Variants in ITGB2 observed in about 807,000 individuals in gnomAD.
ITGB2 encodes the protein integrin subunit beta 2.
In ITGB2, 56 loss-of-function variants were observed where a neutral mutation model predicts 86.8. The observed-to-expected ratio is 0.65, with a 90% CI of 0.52 to 0.81. The LOEUF is 0.81. ITGB2 is among the 30% of genes least tolerant of loss of function. The probability of loss-of-function intolerance (pLI) is 0.00; values close to 1 mark genes in which losing one functional copy is unlikely to be tolerated. For synonymous variants in ITGB2, 457 were observed against 450.4 expected (o/e 1.01, Z -0.19); for missense variants, 948 against 1,061.2 (o/e 0.89, Z 1.48).
At chr21:44,893,268 G>C in intron 10 of ITGB2, 136 bp downstream of exon 10, 3 of 1,037,130 alleles carry the variant, frequency 2.9e-6, no homozygotes, top group Middle Eastern at 3.1e-4. Flanking sequence ...CCGTCAGAGT[G>C]CTGGGATGGG....
At chr21:44,919,631 A>C (rs1481591958) in intron 1 of ITGB2, among the ~76,000 whole-genome samples, 1 of 152,118 alleles carries the variant, frequency 6.6e-6, no homozygotes, top group Non-Finnish European at 1.5e-5. Context: ...CGTCACGGGG[A>C]AGGCGAGTGA....
At chr21:44,901,430 C>T (rs749050841) in intron 6 of ITGB2, 62 bp downstream of exon 6, 113 of 1,585,670 alleles carry the variant, frequency 7.1e-5, no homozygotes, top group Middle Eastern at 3.7e-4. Context: ...CCCCACACAG[C>T]GCCTGACAGA....
In ITGB2 at chr21:44,886,165, A is replaced by AG. The variant is rs1271429188; in HGVS notation, c.*202dup. On this transcript the variant is annotated 3_prime_UTR_variant, in exon 16 of 16. Coordinates refer to ENST00000652462, the MANE Select transcript of ITGB2 (RefSeq NM_000211.5). ...CCTCCCTCCTCAAGTCTCCATGCAA[A>AG]GACTGTGCCAGTCAGAGTGGAGCTG... is the stretch of plus-strand genomic sequence containing the variant. 1.6e-6 allele frequency: 1 copy of AG among 619,146 alleles called. No homozygotes were observed. Among genetic ancestry groups the AG allele is most frequent in the East Asian group, 2.8e-5 (1 of 35,580 alleles). 38.4% of individuals were successfully genotyped at this position (619,146 alleles called of 1,614,324 possible). A position where few individuals can be genotyped will look rare whatever the true frequency, so the allele number is the denominator to read the frequency against.
At position 44,903,348 on chromosome 21, in the gene ITGB2, C is replaced by T. The variant is rs778553133; in HGVS notation, c.499+17G>A. 9 of 1,613,824 alleles carry T rather than the reference C, an allele frequency of 5.6e-6. No individual in the cohort carries two copies. In the African/African-American group the frequency reaches 9.3e-5, roughly 17 times the overall value. On this transcript the variant is annotated intron_variant, in intron 5 of 15. Transcript: ENST00000652462. ...TGGGAAAGGACTGGGTTTTGTCCTG[C>T]AGTGCCTGGGCCTCACCAATGCGGC...
In ITGB2 at chr21:44,888,896, C is replaced by T. The variant is rs1438750949; in HGVS notation, c.1878-1G>A. On this transcript the variant is annotated splice_acceptor_variant, in intron 13 of 15. Transcript: ENST00000652462. LOFTEE classifies it high-confidence loss of function. ...GAACTTCAGGCACTCGGCGCAGGAG[C>T]TGCGGGGAGCCAGGTGTGAGCATCG... The T allele has an allele frequency of 6.2e-7, 1 of 1,603,198 alleles. No homozygotes were observed. Among genetic ancestry groups the T allele is most frequent in the Non-Finnish European group, 8.5e-7 (1 of 1,179,786 alleles).
chr21:44,914,488 A>G (rs1156246794), intron 1 of ITGB2, among the ~76,000 whole-genome samples: 1 of 152,118 alleles, frequency 6.6e-6, no homozygotes, highest in Non-Finnish European at 1.5e-5. Context: ...GCTAACAAGA[A>G]CCACACTTCA....
intron 3 of ITGB2, 84 bp downstream of exon 3, chr21:44,910,200 C>T (rs2146545888): frequency 1.3e-6 from 2 of 1,540,838 alleles, no homozygotes; most frequent in East Asian, 2.4e-5. Flanking sequence ...GTTGTTGGTC[C>T]TCTGGGTGCC....
chr21:44,894,989 G>A lies in ITGB2; in HGVS notation c.1065C>T (p.Leu355=). The change falls in exon 9 of 16, where the codon CTC becomes CTT. Residue 355 remains leucine, a synonymous_variant. Coordinates refer to ENST00000652462, the MANE Select transcript of ITGB2 (RefSeq NM_000211.5). The part of the protein sequence containing the change: ...LSEDSSNVVH[L]IKNAYNKLSS... ...GACTCACATTGTAAGCATTCTTAAT[G>A]AGATGGACCACATTGCTGGAGTCCT... 1 of 1,610,774 alleles carries A rather than the reference G, an allele frequency of 6.2e-7. No individual in the cohort carries two copies. Among genetic ancestry groups the A allele is most frequent in the Non-Finnish European group, 8.5e-7 (1 of 1,177,046 alleles).
At chr21:44,908,277 C>T (rs2084075091) in intron 3 of ITGB2, 1 of 568,824 alleles carries the variant, frequency 1.8e-6, no homozygotes, top group South Asian at 2.3e-5. Context: ...TCCACCCCCT[C>T]CCCTTCTCTA....
At chr21:44,892,548 T>C (rs2083801610) in intron 10 of ITGB2, among the ~76,000 whole-genome samples, 2 of 132,542 alleles carry the variant, frequency 1.5e-5, no homozygotes, top group Middle Eastern at 4.7e-3. Context: ...TGGATTGTAG[T>C]GAGCCAAGAT....
At chr21:44,887,486 T>G (rs2083715664) in intron 14 of ITGB2, among the ~76,000 whole-genome samples, 1 of 151,966 alleles carries the variant, frequency 6.6e-6, no homozygotes, top group South Asian at 2.1e-4. Context: ...TTCAGTGCAG[T>G]CCCTGGCCTG....
intron 8 of ITGB2, among the ~76,000 whole-genome samples, chr21:44,897,708 C>T (rs1412845889): frequency 2.0e-5 from 3 of 152,130 alleles, no homozygotes; most frequent in South Asian, 2.1e-4. Flanking sequence ...GAACGGGGCA[C>T]GTGGCTGTGT....
intron 8 of ITGB2, among the ~76,000 whole-genome samples, chr21:44,897,137 G>A (rs747315371): frequency 2.3e-4 from 35 of 152,162 alleles, no homozygotes; most frequent in Non-Finnish European, 4.9e-4. Flanking sequence ...CTCCCGCAGG[G>A]TCCTGCTCCC....
At chr21:44,901,927 G>T in intron 5 of ITGB2, 194 bp from the exon 6 acceptor site, 1 of 630,742 alleles carries the variant, frequency 1.6e-6, no homozygotes, top group Non-Finnish European at 2.7e-6. Flanking sequence ...GTGGGCGTGT[G>T]TGTGAACCTG....
chr21:44,925,418 GGGAGGGAAGGAAGGAAGGAAGGAAGGAA>G (rs1302481811), upstream of ITGB2, among the ~76,000 whole-genome samples: 10 of 115,734 alleles, frequency 8.6e-5, no homozygotes, highest in South Asian at 8.3e-4. Context: ...AAGGGAGGGA[GGGAGGGAAGGAAGGAAGGAAGGAAGGAA>G]GGAAGGAAGG....
intron 1 of ITGB2, among the ~76,000 whole-genome samples, chr21:44,916,509 T>C (rs576048625): frequency 6.6e-6 from 1 of 152,246 alleles, no homozygotes; most frequent in Admixed American, 6.5e-5. Flanking sequence ...ACTTCAGTTT[T>C]AGGGAATAAA....
At chr21:44,894,633 C>A in intron 9 of ITGB2, 2 of 382,060 alleles carry the variant, frequency 5.2e-6, no homozygotes, top group Admixed American at 7.4e-5. Flanking sequence ...TTTCCTGTGG[C>A]CTCCTCCTGC....
At chr21:44,901,236 T>C (rs920350994) in intron 6 of ITGB2, among the ~76,000 whole-genome samples, 4 of 152,226 alleles carry the variant, frequency 2.6e-5, no homozygotes, top group Non-Finnish European at 5.9e-5. Flanking sequence ...TCATAAGGTT[T>C]GCCCAGGGTC....
chr21:44,891,682 C>G (rs576255585), intron 11 of ITGB2, 127 bp downstream of exon 11: 7 of 1,062,624 alleles, frequency 6.6e-6, no homozygotes, highest in South Asian at 2.9e-5. Flanking sequence ...CAGAAGGGGG[C>G]CCCCAGGATG....
Sources: allele counts gnomAD v4.1 joint callset (sites outside exome capture counted in the v4.1 genomes callset), GRCh38; gene constraint gnomAD v4.1.1; transcripts MANE v1.5; gene names NCBI Gene and HGNC (gene_info 2026-07-23, HGNC 2026-07-21).